Variants in FLVCR2 observed in about 807,000 individuals in gnomAD.
FLVCR2 encodes choline/ethanolamine transporter FLVCR2.
Under a neutral mutation model 48.9 loss-of-function variants are expected in FLVCR2, and 38 were observed. The observed-to-expected ratio is 0.78, with a 90% CI of 0.60 to 1.02. FLVCR2 has a LOEUF of 1.02. FLVCR2 is among the 50% of genes least tolerant of loss of function. FLVCR2 has a pLI of 0.00. For synonymous variants in FLVCR2, 255 were observed against 257.0 expected (o/e 0.99, Z 0.07); for missense variants, 664 against 663.3 (o/e 1.00, Z -0.01).
At chr14:75,584,606 A>ATC (rs1252544096) in intron 1 of FLVCR2, among the ~76,000 whole-genome samples, 2 of 152,118 alleles carry the variant, frequency 1.3e-5, no homozygotes, top group African/African-American at 4.8e-5. Context: ...AATCTCACCT[A>ATC]TCTATACCTG....
chr14:75,584,077 C>A (rs1194348227), intron 1 of FLVCR2, among the ~76,000 whole-genome samples: 1 of 152,160 alleles, frequency 6.6e-6, no homozygotes, highest in Admixed American at 6.5e-5. Flanking sequence ...GATGGCACGG[C>A]TTAGGAGGAA....
chr14:75,639,297 A>G (rs1890245150), intron 5 of FLVCR2, 55 bp from the exon 6 acceptor site: 1 of 1,044,892 alleles, frequency 9.6e-7, no homozygotes, highest in Admixed American at 1.7e-5. Flanking sequence ...AAATGAATGA[A>G]TGAGCCTATT....
intron 8 of FLVCR2, 67 bp downstream of exon 8, chr14:75,641,360 A>G (rs555117139): frequency 1.0e-6 from 1 of 988,044 alleles, no homozygotes; most frequent in Non-Finnish European, 1.6e-6. Context: ...GTCTCGATGG[A>G]GCAACAGATA....
intron 3 of FLVCR2, among the ~76,000 whole-genome samples, chr14:75,633,323 A>G (rs1256131552): frequency 6.6e-6 from 1 of 152,218 alleles, no homozygotes; most frequent in Non-Finnish European, 1.5e-5. Context: ...AGAAGAATGT[A>G]GATGACTCTG....
At position 75,581,022 on chromosome 14, in the gene FLVCR2, G is replaced by A. The variant is rs563514418; in HGVS notation, c.669+1381G>A. Among the ~76,000 whole-genome samples, 71 of 152,260 alleles carry A rather than the reference G, an allele frequency of 4.7e-4. 1 individual carries two copies. Among genetic ancestry groups the A allele is most frequent in the East Asian group, 1.3e-3 (7 of 5,186 alleles). On this transcript the variant is annotated intron_variant, in intron 1 of 9. Transcript: ENST00000238667. ...TGGGGGTGGTATGGAGAGATAATGG[G>A]AGATGTTTCTCAGGACTGCTTCGAG...
At chr14:75,616,196 A>G (rs573903535) in intron 1 of FLVCR2, among the ~76,000 whole-genome samples, 4 of 151,056 alleles carry the variant, frequency 2.6e-5, no homozygotes, top group East Asian at 4.0e-4. Flanking sequence ...GCATGGTGTC[A>G]TGATCCTGTA....
chr14:75,646,560 G>C lies in FLVCR2; in HGVS notation c.*88G>C. On this transcript the variant is annotated 3_prime_UTR_variant, in exon 10 of 10. Transcript: ENST00000238667. ...ACCGCCAGCACAAAGGGCTTCGCTA[G>C]AGATGTTTTTGGAGGGAATCAGTGG... is the stretch of plus-strand genomic sequence containing the variant. 1 of 951,574 alleles carries C rather than the reference G, an allele frequency of 1.1e-6. No individual in the cohort carries two copies. Among genetic ancestry groups the C allele is most frequent in the East Asian group, 2.5e-5 (1 of 40,054 alleles). The allele number at this position is 951,574 out of a possible 1,614,324, so 58.9% of individuals were successfully genotyped here. A position where few individuals can be genotyped will look rare whatever the true frequency, so the allele number is the denominator to read the frequency against.
intron 8 of FLVCR2, 133 bp downstream of exon 8, chr14:75,641,426 G>A (rs886782691): frequency 5.6e-6 from 4 of 714,648 alleles, no homozygotes; most frequent in African/African-American, 3.5e-5. Context: ...TCTGTTGGGA[G>A]GCAGCACATT....
intron 1 of FLVCR2, among the ~76,000 whole-genome samples, chr14:75,580,546 C>T (rs1888569882): frequency 6.6e-6 from 1 of 152,200 alleles, no homozygotes; most frequent in African/African-American, 2.4e-5. Context: ...TTTGTGTGAG[C>T]AACAAGGCTG....
intron 4 of FLVCR2, 93 bp downstream of exon 4, chr14:75,633,789 C>T (rs1370264927): frequency 1.3e-5 from 12 of 950,906 alleles, no homozygotes; most frequent in Non-Finnish European, 1.9e-5. Flanking sequence ...AGTCTTCATT[C>T]CCCCCAGTTC....
chr14:75,595,064 G>A (rs966895843), intron 1 of FLVCR2, among the ~76,000 whole-genome samples: 16 of 152,164 alleles, frequency 1.1e-4, no homozygotes, highest in African/African-American at 3.6e-4. Context: ...TGTTACACTG[G>A]GGATTGAGTC....
At chr14:75,586,254 G>GGGT (rs199580443) in intron 1 of FLVCR2, among the ~76,000 whole-genome samples, 4,310 of 152,286 alleles carry the variant, frequency 0.028, 212 homozygotes, top group African/African-American at 0.098. Context: ...TGCAGACAGT[G>GGGT]GGTGGATCTC....
At chr14:75,587,697 G>A (rs1032468072) in intron 1 of FLVCR2, among the ~76,000 whole-genome samples, 17 of 152,246 alleles carry the variant, frequency 1.1e-4, no homozygotes, top group African/African-American at 4.1e-4. Context: ...GGGGAAATGA[G>A]CTGTGTGGGG....
intron 5 of FLVCR2, among the ~76,000 whole-genome samples, chr14:75,637,369 C>T (rs866694135): frequency 1.2e-4 from 19 of 152,280 alleles, no homozygotes; most frequent in Middle Eastern, 3.4e-3. Context: ...TTGACACAAC[C>T]GTAGCGTGCC....
At chr14:75,644,294 A>G (rs1463311804) in intron 9 of FLVCR2, among the ~76,000 whole-genome samples, 2 of 152,142 alleles carry the variant, frequency 1.3e-5, no homozygotes, top group South Asian at 2.1e-4. Context: ...GCTTGCGTAT[A>G]TTTTGTTTTC....
intron 1 of FLVCR2, among the ~76,000 whole-genome samples, chr14:75,597,097 C>T (rs1889041535): frequency 6.6e-6 from 1 of 151,710 alleles, no homozygotes; most frequent in Non-Finnish European, 1.5e-5. Context: ...ACCTGGGCAA[C>T]ATAGTGAGAC....
intron 1 of FLVCR2, among the ~76,000 whole-genome samples, chr14:75,603,231 C>A (rs1264500998): frequency 2.6e-5 from 4 of 152,224 alleles, no homozygotes; most frequent in Admixed American, 6.5e-5. Flanking sequence ...AACTTTACAT[C>A]ATTTTCCTGC....
intron 1 of FLVCR2, among the ~76,000 whole-genome samples, chr14:75,610,229 G>T (rs1889405745): frequency 6.6e-6 from 1 of 152,112 alleles, no homozygotes; most frequent in South Asian, 2.1e-4. Context: ...ACAGTGATTT[G>T]TTCTCTCACT....
chr14:75,607,302 C>T (rs1430681575), intron 1 of FLVCR2, among the ~76,000 whole-genome samples: 2 of 152,316 alleles, frequency 1.3e-5, no homozygotes, highest in South Asian at 2.1e-4. Context: ...TCCCTCTCTA[C>T]CAAACTCATG....
Sources: gnomAD v4.1 joint callset for allele counts (sites outside exome capture counted in the v4.1 genomes callset) on GRCh38, gnomAD v4.1.1 for gene constraint, MANE v1.5 for transcripts, NCBI Gene and HGNC (gene_info 2026-07-23, HGNC 2026-07-21) for gene names.